The following AMMECR1 variants were observed in gnomAD, a reference collection of about 807,000 sequenced individuals.
The protein encoded by AMMECR1 is AMMECR nuclear protein 1.
AMMECR1 carries 3 observed loss-of-function variants against 22.5 expected under a neutral mutation model. The ratio of observed to expected loss-of-function variants is 0.13; its 90% CI spans 0.06 to 0.35. The LOEUF (loss-of-function observed/expected upper bound fraction) is 0.35. Among genes scored for constraint, AMMECR1 ranks in the 10% least tolerant of loss-of-function variants. The pLI, the probability that AMMECR1 is intolerant of heterozygous loss-of-function variation, is 1.00. For missense variants in AMMECR1, 235 were observed against 278.7 expected (o/e 0.84, Z 1.12); for synonymous variants, 130 against 116.7 (o/e 1.11, Z -0.74).
intron 2 of AMMECR1, among the ~76,000 whole-genome samples, chrX:110,366,576 C>G (rs1447532812): frequency 9.0e-6 from 1 of 111,360 alleles, no homozygotes. Flanking sequence ...CCCTCAGCCC[C>G]CTAGTGTCTC....
intron 1 of AMMECR1, among the ~76,000 whole-genome samples, chrX:110,431,761 C>T (rs1269222778): frequency 8.9e-6 from 1 of 111,852 alleles, no homozygotes; most frequent in Non-Finnish European, 1.9e-5. Context: ...GACCAGGACT[C>T]ACTGCTAGAA....
At chrX:110,396,611 C>T (rs915803719) in intron 2 of AMMECR1, among the ~76,000 whole-genome samples, 6 of 111,949 alleles carry the variant, frequency 5.4e-5, no homozygotes, top group African/African-American at 2.0e-4. Flanking sequence ...TGGGTACTCA[C>T]AATGTGCCCT....
chrX:110,258,789 G>A (rs1485847847), intron 2 of AMMECR1, among the ~76,000 whole-genome samples: 2 of 111,243 alleles, frequency 1.8e-5, no homozygotes, highest in Non-Finnish European at 1.9e-5. Flanking sequence ...CTTTTCATAA[G>A]AAAAATCAAT....
intron 2 of AMMECR1, among the ~76,000 whole-genome samples, chrX:110,387,715 C>T (rs2068465451): frequency 8.9e-6 from 1 of 111,746 alleles, no homozygotes; most frequent in Non-Finnish European, 1.9e-5. Flanking sequence ...AACCCATGTT[C>T]TCTACTTCTC....
intron 1 of AMMECR1, among the ~76,000 whole-genome samples, chrX:110,289,890 C>G (rs1489581769): frequency 1.8e-5 from 2 of 111,666 alleles, no homozygotes; most frequent in East Asian, 2.8e-4. Context: ...CTGTAATTTA[C>G]TTAGTATAGC....
At chrX:110,391,725 T>C (rs1432655646) in intron 2 of AMMECR1, among the ~76,000 whole-genome samples, 2 of 112,282 alleles carry the variant, frequency 1.8e-5, no homozygotes, top group Admixed American at 9.5e-5. Flanking sequence ...AGCCATAACA[T>C]GTGGATGAAA....
chrX:110,330,537 G>A (rs1345661061), intron 2 of AMMECR1, among the ~76,000 whole-genome samples: 2 of 112,007 alleles, frequency 1.8e-5, no homozygotes, highest in Admixed American at 9.5e-5. Context: ...TTTTATGTTC[G>A]TTGGCTCTAA....
intron 3 of AMMECR1, among the ~76,000 whole-genome samples, chrX:110,212,246 T>C (rs2067451207): frequency 8.9e-6 from 1 of 112,049 alleles, no homozygotes; most frequent in African/African-American, 3.2e-5. Flanking sequence ...ATTTGTTTCC[T>C]GATCATCTGA....
At chrX:110,336,536 A>C (rs2068142254) in intron 2 of AMMECR1, among the ~76,000 whole-genome samples, 1 of 109,699 alleles carries the variant, frequency 9.1e-6, no homozygotes, top group Admixed American at 9.8e-5. Flanking sequence ...AAACAAAACA[A>C]AACAAAACAA....
At chrX:110,256,360 GTT>G (rs1482075893) in intron 2 of AMMECR1, among the ~76,000 whole-genome samples, 1 of 111,680 alleles carries the variant, frequency 9.0e-6, no homozygotes, top group Non-Finnish European at 1.9e-5. Flanking sequence ...TGACTATATT[GTT>G]TTCCATCTTT....
At chrX:110,225,173 C>A in intron 2 of AMMECR1, 1 of 235,062 alleles carries the variant, frequency 4.3e-6, no homozygotes, top group Non-Finnish European at 8.2e-6. Flanking sequence ...GCTAATATAT[C>A]AAAGCATGAT....
chrX:110,400,396 G>T (rs1304576558), intron 2 of AMMECR1, among the ~76,000 whole-genome samples: 1 of 108,727 alleles, frequency 9.2e-6, no homozygotes, highest in Non-Finnish European at 1.9e-5. Flanking sequence ...GTATTGTTCT[G>T]AGTCCTTTCT....
chrX:110,354,115 T>C (rs1312924709), intron 2 of AMMECR1, among the ~76,000 whole-genome samples: 3 of 112,008 alleles, frequency 2.7e-5, no homozygotes, highest in Admixed American at 1.9e-4. Flanking sequence ...ACAGATTCAA[T>C]GAAATTCCTG....
intron 3 of AMMECR1, among the ~76,000 whole-genome samples, chrX:110,214,194 C>T (rs1020554883): frequency 2.7e-5 from 3 of 109,418 alleles, no homozygotes; most frequent in African/African-American, 6.7e-5. Context: ...ACCCAGGAGG[C>T]GGAGCTTGCA....
chrX:110,309,771 A>G (rs1253138001), intron 1 of AMMECR1, among the ~76,000 whole-genome samples: 1 of 112,284 alleles, frequency 8.9e-6, no homozygotes, highest in Non-Finnish European at 1.9e-5. Context: ...AATCTATTTT[A>G]CTTTCTAAGC....
chrX:110,194,396 G>A lies in AMMECR1; in HGVS notation c.*4124C>T, dbSNP rs1337957462. ...TCTTCAAACTATTAAGCAATTAAAT[G>A]TGGAAGGAAGGAGGGCCTAGTTATA... On this transcript the variant is annotated 3_prime_UTR_variant, in exon 6 of 6. Transcript: ENST00000262844. 9.0e-6 allele frequency: 1 copy of A among 111,668 alleles called. No individual in the cohort carries two copies. The highest frequency in any genetic ancestry group is 1.9e-5 in the Non-Finnish European group (1 of 53,168). 9.2% of individuals were successfully genotyped at this position (111,668 alleles called of 1,213,427 possible).
At chrX:110,253,065 C>T (rs187766860) in intron 2 of AMMECR1, among the ~76,000 whole-genome samples, 3 of 111,715 alleles carry the variant, frequency 2.7e-5, no homozygotes, top group East Asian at 5.6e-4. Flanking sequence ...AAGCCCCTGG[C>T]GGGGACCATG....
chrX:110,216,419 A>G (rs1164313601), intron 3 of AMMECR1, 99 bp downstream of exon 3: 1 of 554,754 alleles, frequency 1.8e-6, no homozygotes, highest in African/African-American at 2.3e-5. Context: ...CTCCATTACA[A>G]TAGAGAATGG....
chrX:110,224,615 G>A (rs1371808109), intron 2 of AMMECR1, among the ~76,000 whole-genome samples: 1 of 111,414 alleles, frequency 9.0e-6, no homozygotes, highest in Non-Finnish European at 1.9e-5. Flanking sequence ...ACTGCAGGCA[G>A]GGATTCATAT....
Sources: gnomAD v4.1 joint callset for allele counts (sites outside exome capture counted in the v4.1 genomes callset) on GRCh38, gnomAD v4.1.1 for gene constraint, MANE v1.5 for transcripts, NCBI Gene and HGNC (gene_info 2026-07-23, HGNC 2026-07-21) for gene names.